The following ANO2 variants were observed in gnomAD, a reference collection of about 807,000 sequenced individuals.
ANO2 encodes anoctamin 2.
ANO2 carries 101 observed loss-of-function variants against 124.2 expected under a neutral mutation model. That is an observed-to-expected ratio of 0.81 (90% CI 0.69 to 0.96). The LOEUF (loss-of-function observed/expected upper bound fraction) is 0.96, where lower values mean the gene tolerates loss of function less well. ANO2 is among the 40% of genes least tolerant of loss of function. ANO2 has a pLI of 0.00. For missense variants in ANO2, 1,293 were observed against 1,274.5 expected, an observed-to-expected ratio of 1.01 and a Z score of -0.22; for synonymous variants, 486 against 482.5, an observed-to-expected ratio of 1.01 and a Z score of -0.09.
At chr12:5,921,570 T>A (rs1591795037) in intron 2 of ANO2, among the ~76,000 whole-genome samples, 1 of 152,132 alleles carries the variant, frequency 6.6e-6, no homozygotes, top group African/African-American at 2.4e-5. Flanking sequence ...CACCCACCTG[T>A]TGACAGTCTG....
At chr12:5,829,584 A>G (rs1381983607) in intron 6 of ANO2, among the ~76,000 whole-genome samples, 1 of 152,196 alleles carries the variant, frequency 6.6e-6, no homozygotes, top group African/African-American at 2.4e-5. Flanking sequence ...CCTCCTGTGG[A>G]AACTTCAGTT....
At chr12:5,809,395 A>G (rs937223883) in intron 7 of ANO2, among the ~76,000 whole-genome samples, 4 of 152,114 alleles carry the variant, frequency 2.6e-5, no homozygotes, top group Non-Finnish European at 5.9e-5. Context: ...GGCCCCAGCT[A>G]GACCGCACCC....
At chr12:5,805,121 G>A (rs1953152663) in intron 9 of ANO2, among the ~76,000 whole-genome samples, 1 of 152,084 alleles carries the variant, frequency 6.6e-6, no homozygotes, top group South Asian at 2.1e-4. Flanking sequence ...CAGGCAGAGA[G>A]GGGACATGTG....
intron 7 of ANO2, among the ~76,000 whole-genome samples, chr12:5,812,440 G>GAGAAAGGA (rs200929743): frequency 3.8e-5 from 4 of 105,104 alleles, no homozygotes; most frequent in Admixed American, 1.1e-4. Context: ...AAAAGAAAGA[G>GAGAAAGGA]AGAAAGGAAG....
At chr12:5,841,846 G>T (rs1954524919) in intron 4 of ANO2, among the ~76,000 whole-genome samples, 2 of 151,934 alleles carry the variant, frequency 1.3e-5, no homozygotes, top group Admixed American at 1.3e-4. Context: ...TTCTTCTGTT[G>T]GTGCCTCCTA....
intron 14 of ANO2, among the ~76,000 whole-genome samples, chr12:5,686,925 C>T (rs1948735094): frequency 6.6e-6 from 1 of 152,166 alleles, no homozygotes; most frequent in Admixed American, 6.5e-5. Flanking sequence ...GTAGGTTTTG[C>T]AAAACAGACT....
chr12:5,749,536 G>A (rs1951376520), intron 11 of ANO2, among the ~76,000 whole-genome samples: 1 of 152,214 alleles, frequency 6.6e-6, no homozygotes, highest in Non-Finnish European at 1.5e-5. Context: ...CCCTATTCCA[G>A]TGCTCCTTGA....
intron 14 of ANO2, among the ~76,000 whole-genome samples, chr12:5,664,463 G>T (rs968984036): frequency 5.9e-5 from 9 of 152,186 alleles, no homozygotes; most frequent in African/African-American, 1.9e-4. Flanking sequence ...CTCTTTTAAG[G>T]ATTCTTTACT....
intron 16 of ANO2, among the ~76,000 whole-genome samples, chr12:5,619,180 G>T (rs1944983939): frequency 6.6e-6 from 1 of 152,186 alleles, no homozygotes; most frequent in African/African-American, 2.4e-5. Context: ...CAATGTAGGG[G>T]TCTCTGTATG....
intron 3 of ANO2, among the ~76,000 whole-genome samples, chr12:5,917,114 A>G (rs1941426767): frequency 6.6e-6 from 1 of 152,112 alleles, no homozygotes. Context: ...AACAGGAACA[A>G]CAATCCAGGA....
At chr12:5,766,267 A>G (rs1028056560) in intron 10 of ANO2, among the ~76,000 whole-genome samples, 1 of 152,210 alleles carries the variant, frequency 6.6e-6, no homozygotes, top group Non-Finnish European at 1.5e-5. Flanking sequence ...TCAGAGCAAC[A>G]CTATTTATAA....
chr12:5,789,234 G>A lies in ANO2; in HGVS notation c.1055+10273C>T, dbSNP rs1317350024. ...GACACCCTTAGTACATGGCTGATTC[G>A]CTTCTCTCTGCCATGCAGCTTGCCT... On this transcript the variant is annotated intron_variant, in intron 10 of 24. Transcript: ENST00000682330. Among the ~76,000 whole-genome samples, 5 of 152,212 alleles carry A rather than the reference G, an allele frequency of 3.3e-5. No homozygotes were observed. In the East Asian group the frequency reaches 5.8e-4, roughly 18 times the overall value.
intron 10 of ANO2, among the ~76,000 whole-genome samples, chr12:5,763,882 G>T (rs575807772): frequency 1.3e-5 from 2 of 152,124 alleles, no homozygotes; most frequent in African/African-American, 4.8e-5. Context: ...CTAAAAACTG[G>T]TTGTTTGAAA....
At chr12:5,605,630 G>A (rs533057311) in intron 19 of ANO2, among the ~76,000 whole-genome samples, 13 of 152,236 alleles carry the variant, frequency 8.5e-5, no homozygotes, top group South Asian at 8.3e-4. Context: ...GATGTGGACC[G>A]GAGCTAAATT....
At chr12:5,930,312 G>T (rs1461291414) in intron 1 of ANO2, among the ~76,000 whole-genome samples, 1 of 152,164 alleles carries the variant, frequency 6.6e-6, no homozygotes, top group African/African-American at 2.4e-5. Flanking sequence ...GTGAAATACT[G>T]CACGTATATC....
chr12:5,848,059 T>C (rs146466252), intron 4 of ANO2, among the ~76,000 whole-genome samples: 712 of 152,328 alleles, frequency 4.7e-3, no homozygotes, highest in Non-Finnish European at 7.6e-3. Context: ...AACTACACTT[T>C]AACATTACAT....
At chr12:5,730,625 C>G (rs1005674969) in intron 14 of ANO2, among the ~76,000 whole-genome samples, 10 of 152,152 alleles carry the variant, frequency 6.6e-5, no homozygotes, top group Non-Finnish European at 1.2e-4. Context: ...GCAATGATGC[C>G]CCTGCAGCAA....
At chr12:5,783,952 T>C (rs1444149828) in intron 10 of ANO2, among the ~76,000 whole-genome samples, 1 of 152,174 alleles carries the variant, frequency 6.6e-6, no homozygotes, top group Non-Finnish European at 1.5e-5. Context: ...CCTTAAAGTT[T>C]TATCTTACCA....
At chr12:5,797,241 G>A (rs937468273) in intron 10 of ANO2, among the ~76,000 whole-genome samples, 2 of 152,294 alleles carry the variant, frequency 1.3e-5, no homozygotes, top group Non-Finnish European at 2.9e-5. Flanking sequence ...GGTGGGCCCC[G>A]ACAGGAGGTG....
Sources: gnomAD v4.1 joint callset for allele counts (sites outside exome capture counted in the v4.1 genomes callset) on GRCh38, gnomAD v4.1.1 for gene constraint, MANE v1.5 for transcripts, NCBI Gene and HGNC (gene_info 2026-07-23, HGNC 2026-07-21) for gene names.